The following SYCP2L variants were observed in gnomAD, a reference collection of about 807,000 sequenced individuals.
SYCP2L encodes synaptonemal complex protein 2 like.
Under a neutral mutation model 125.8 loss-of-function variants are expected in SYCP2L, and 98 were observed. That is an observed-to-expected ratio of 0.78 (90% CI 0.66 to 0.92). SYCP2L has a LOEUF of 0.92. Ranked by LOEUF, SYCP2L falls within the 40% of genes least tolerant of loss-of-function variation. The pLI is 0.00. For missense variants in SYCP2L, 842 were observed against 936.4 expected (o/e 0.90, Z 1.32); for synonymous variants, 317 against 325.4 (o/e 0.97, Z 0.28).
chr6:10,945,501 G>T (rs1781296638), intron 23 of SYCP2L, among the ~76,000 whole-genome samples: 1 of 152,066 alleles, frequency 6.6e-6, no homozygotes, highest in South Asian at 2.1e-4. Context: ...CAGGCGTGGT[G>T]GCTCACACCT....
At chr6:10,929,450 C>A (rs1209031437) in intron 18 of SYCP2L, among the ~76,000 whole-genome samples, 1 of 152,106 alleles carries the variant, frequency 6.6e-6, no homozygotes, top group Non-Finnish European at 1.5e-5. Flanking sequence ...AAACAAGCTC[C>A]ATATTAAAAT....
intron 14 of SYCP2L, among the ~76,000 whole-genome samples, chr6:10,921,950 C>A (rs991445855): frequency 3.3e-5 from 5 of 152,186 alleles, no homozygotes; most frequent in African/African-American, 1.2e-4. Context: ...TCGTGATCTG[C>A]CCGCCTCGGC....
rs185654518 is a variant in SYCP2L, at chr6:10,931,703, G to A, written c.1683+214G>A. ...TTTTAGGCTGGGTGTGGTGGCTCAC[G>A]CCTGTAATCCCAGCACTTTGGGATG... is the stretch of plus-strand genomic sequence containing the variant. On this transcript the variant is annotated intron_variant, in intron 20 of 29. Coordinates refer to ENST00000283141, the MANE Select transcript of SYCP2L (RefSeq NM_001040274.3). 4.1e-4 allele frequency among the ~76,000 whole-genome samples: 62 copies of A among 152,282 alleles called. No homozygotes were observed. The East Asian group carries it at 6.4e-3, about 16-fold the overall frequency.
intron 2 of SYCP2L, 76 bp downstream of exon 2, chr6:10,891,657 G>GTATA: frequency 2.6e-6 from 2 of 758,440 alleles, no homozygotes; most frequent in Non-Finnish European, 2.1e-6. Context: ...GTGTGTGTGT[G>GTATA]TGTGTGTATG....
chr6:10,950,175 A>G (rs914912622), intron 23 of SYCP2L, among the ~76,000 whole-genome samples: 13 of 151,668 alleles, frequency 8.6e-5, no homozygotes, highest in Admixed American at 5.3e-4. Context: ...CTGTCCTTTC[A>G]TTACCTTTTG....
intron 9 of SYCP2L, among the ~76,000 whole-genome samples, chr6:10,906,651 G>A (rs1357982226): frequency 1.3e-5 from 2 of 150,824 alleles, no homozygotes; most frequent in East Asian, 1.9e-4. Flanking sequence ...AGGCTGGAGT[G>A]CAATGGCGCG....
intron 23 of SYCP2L, among the ~76,000 whole-genome samples, chr6:10,949,158 A>G (rs568995396): frequency 1.3e-3 from 199 of 151,612 alleles, no homozygotes; most frequent in African/African-American, 4.7e-3. Flanking sequence ...GCTCTTTTCT[A>G]TTTTTACTTC....
At chr6:10,936,908 A>G (rs61532674) in intron 21 of SYCP2L, among the ~76,000 whole-genome samples, 3,336 of 152,336 alleles carry the variant, frequency 0.022, 165 homozygotes, top group East Asian at 0.22. Flanking sequence ...TTGTAAATAT[A>G]TATATGCACC....
intron 23 of SYCP2L, among the ~76,000 whole-genome samples, chr6:10,948,167 A>T (rs1418826157): frequency 1.3e-5 from 2 of 152,078 alleles, no homozygotes; most frequent in East Asian, 3.8e-4. Context: ...ATATCCCCTC[A>T]CATAGTTATC....
At position 10,896,382 on chromosome 6, in the gene SYCP2L, C is replaced by G. The variant is rs75089834; in HGVS notation, c.337-1629C>G. 3.7e-4 allele frequency among the ~76,000 whole-genome samples: 56 copies of G among 152,218 alleles called. 1 individual carries two copies. The East Asian group carries it at 4.4e-3, about 12-fold the overall frequency. Reference sequence around the variant, plus strand: ...CCCAAGTATTGATCAGATAGTGCAGCCTTTCTGCCACTTCTGTATCTCCTC... The same window carrying G: ...CCCAAGTATTGATCAGATAGTGCAGGCTTTCTGCCACTTCTGTATCTCCTC... On this transcript the variant is annotated intron_variant, in intron 4 of 29. Transcript: ENST00000283141.
At chr6:10,935,216 G>GA (rs1781071760) in intron 21 of SYCP2L, 29 bp downstream of exon 21, 1 of 1,599,622 alleles carries the variant, frequency 6.3e-7, no homozygotes, top group Admixed American at 1.8e-5. Context: ...ACTTACATAG[G>GA]AAAAAATTTG....
In SYCP2L at chr6:10,907,525, A is replaced by G. The variant is rs773554909; in HGVS notation, c.677-17A>G. 16 of 1,603,010 alleles carry G rather than the reference A, an allele frequency of 1.0e-5. No individual in the cohort carries two copies. The highest frequency in any genetic ancestry group is 1.3e-5 in the African/African-American group (1 of 74,236). On this transcript the variant is annotated splice_polypyrimidine_tract_variant and intron_variant, in intron 9 of 29. Transcript: ENST00000283141. ...GTGCCCAGAATTATCTATGTCTACT[A>G]TGTTTTTAATCTCTAGATTATGACC...
In SYCP2L at chr6:10,963,860, G is replaced by T; in HGVS notation, c.*37+17G>T. ...AGCCCTCAGGTAGGTGCAAAGATTT[G>T]CATTGTTCAGTGGATGTGAATCGGG... On this transcript the variant is annotated intron_variant, in intron 29 of 29. Coordinates refer to ENST00000283141, the MANE Select transcript of SYCP2L (RefSeq NM_001040274.3). 6.3e-7 allele frequency: 1 copy of T among 1,599,570 alleles called. No individual in the cohort carries two copies. The highest frequency in any genetic ancestry group is 8.6e-7 in the Non-Finnish European group (1 of 1,167,314).
At chr6:10,937,446 G>A (rs1295732306) in intron 21 of SYCP2L, among the ~76,000 whole-genome samples, 2 of 152,040 alleles carry the variant, frequency 1.3e-5, no homozygotes, top group African/African-American at 4.8e-5. Flanking sequence ...AGTGTTAAAA[G>A]GGGAGTTTAT....
chr6:10,960,673 C>G (rs1781578502), intron 26 of SYCP2L, among the ~76,000 whole-genome samples: 1 of 152,004 alleles, frequency 6.6e-6, no homozygotes, highest in South Asian at 2.1e-4. Flanking sequence ...GAAAGGGGAG[C>G]AAGTGGAAGG....
At chr6:10,941,844 C>G (rs1336402568) in intron 21 of SYCP2L, among the ~76,000 whole-genome samples, 3 of 152,102 alleles carry the variant, frequency 2.0e-5, no homozygotes, top group Non-Finnish European at 4.4e-5. Context: ...GCTATAAAGA[C>G]ACATGCACAG....
chr6:10,910,301 T>C (rs1361071577), intron 11 of SYCP2L, 101 bp downstream of exon 11: 14 of 1,076,430 alleles, frequency 1.3e-5, no homozygotes, highest in Non-Finnish European at 1.9e-5. Context: ...GAGAGAATAT[T>C]GGGTACATCA....
intron 10 of SYCP2L, among the ~76,000 whole-genome samples, chr6:10,908,240 A>G (rs1239205018): frequency 2.6e-5 from 4 of 152,150 alleles, no homozygotes. Flanking sequence ...TCCAGTTAAA[A>G]AAAAAGTCTT....
intron 6 of SYCP2L, among the ~76,000 whole-genome samples, chr6:10,902,016 C>T (rs1780382655): frequency 6.6e-6 from 1 of 152,206 alleles, no homozygotes; most frequent in African/African-American, 2.4e-5. Context: ...AATGAAAGCC[C>T]TAGCTTTGCT....
Sources: allele counts gnomAD v4.1 joint callset (sites outside exome capture counted in the v4.1 genomes callset), GRCh38; gene constraint gnomAD v4.1.1; transcripts MANE v1.5; gene names NCBI Gene and HGNC (gene_info 2026-07-23, HGNC 2026-07-21).